SERPINI1: variants seen among roughly 807,000 people sequenced by gnomAD.
SERPINI1 encodes neuroserpin.
Under a neutral mutation model 41.1 loss-of-function variants are expected in SERPINI1, and 19 were observed. The ratio of observed to expected loss-of-function variants is 0.46; its 90% confidence interval spans 0.32 to 0.68. The LOEUF (loss-of-function observed/expected upper bound fraction) is 0.68, where lower values mean the gene tolerates loss of function less well. Among genes scored for constraint, SERPINI1 ranks in the 30% least tolerant of loss-of-function variants. The probability of loss-of-function intolerance (pLI) is 0.03; values close to 1 mark genes in which losing one functional copy is unlikely to be tolerated. For synonymous variants in SERPINI1, 138 were observed against 156.6 expected (o/e 0.88, Z 0.89); for missense variants, 460 against 479.2 (o/e 0.96, Z 0.37).
intron 6 of SERPINI1, among the ~76,000 whole-genome samples, chr3:167,811,477 A>T (rs1368789030): frequency 7.5e-6 from 1 of 133,978 alleles, no homozygotes; most frequent in Non-Finnish European, 1.7e-5. Context: ...AAAGAAAAAG[A>T]AGAGAAATGA....
chr3:167,806,093 C>T (rs1396757832), intron 5 of SERPINI1, among the ~76,000 whole-genome samples: 1 of 151,988 alleles, frequency 6.6e-6, no homozygotes, highest in Non-Finnish European at 1.5e-5. Context: ...CAATGATAGA[C>T]TGGATAAAGA....
chr3:167,809,321 T>C (rs1016575142), intron 6 of SERPINI1, among the ~76,000 whole-genome samples: 2 of 152,224 alleles, frequency 1.3e-5, no homozygotes, highest in African/African-American at 2.4e-5. Flanking sequence ...GATAATTACA[T>C]TGTACTTTCT....
chr3:167,784,287 C>T (rs1290738369), intron 1 of SERPINI1, among the ~76,000 whole-genome samples: 1 of 152,128 alleles, frequency 6.6e-6, no homozygotes, highest in Admixed American at 6.5e-5. Flanking sequence ...TTAAAAAGAT[C>T]TATTTTCTTA....
chr3:167,786,456 C>T (rs1333478152), intron 1 of SERPINI1, among the ~76,000 whole-genome samples: 12 of 143,354 alleles, frequency 8.4e-5, no homozygotes, highest in African/African-American at 2.4e-4. Context: ...TGCAGTGAGC[C>T]GAGATCGCAC....
chr3:167,774,109 AT>A (rs1349108559), intron 1 of SERPINI1, among the ~76,000 whole-genome samples: 1 of 152,232 alleles, frequency 6.6e-6, no homozygotes, highest in Non-Finnish European at 1.5e-5. Context: ...ATTAGTATAC[AT>A]TTTTAAAAAC....
chr3:167,744,866 T>C (rs1435171027), intron 1 of SERPINI1, among the ~76,000 whole-genome samples: 1 of 133,308 alleles, frequency 7.5e-6, no homozygotes, highest in South Asian at 2.2e-4. Context: ...TATATATATA[T>C]AAATATATAT....
At chr3:167,774,362 C>G (rs1033572586) in intron 1 of SERPINI1, among the ~76,000 whole-genome samples, 1 of 152,132 alleles carries the variant, frequency 6.6e-6, no homozygotes, top group African/African-American at 2.4e-5. Context: ...AAAGGGCCCT[C>G]AGATCTTGAG....
intron 5 of SERPINI1, among the ~76,000 whole-genome samples, chr3:167,796,768 A>G (rs975243147): frequency 1.3e-5 from 2 of 151,992 alleles, no homozygotes; most frequent in Admixed American, 1.3e-4. Flanking sequence ...CTTGATGGGC[A>G]TGGCATTTTG....
At chr3:167,804,935 A>G (rs995533726) in intron 5 of SERPINI1, among the ~76,000 whole-genome samples, 1 of 152,216 alleles carries the variant, frequency 6.6e-6, no homozygotes, top group Non-Finnish European at 1.5e-5. Flanking sequence ...TTTGGGGAAG[A>G]GTCCATATTA....
intron 1 of SERPINI1, among the ~76,000 whole-genome samples, chr3:167,753,530 G>C (rs946253306): frequency 6.6e-6 from 1 of 152,150 alleles, no homozygotes; most frequent in Non-Finnish European, 1.5e-5. Flanking sequence ...TTTTTTACAA[G>C]AGTGATTCTC....
Position 167,743,477 on chromosome 3 carries a change from C to A in SERPINI1, c.-19+7654C>A, listed in dbSNP as rs533898214. Among the ~76,000 whole-genome samples the A allele has an allele frequency of 5.9e-5, 9 of 152,222 alleles. No individual in the cohort carries two copies. In the East Asian group the frequency reaches 1.5e-3, roughly 26 times the overall value. On this transcript the variant is annotated intron_variant, in intron 1 of 8. Transcript: ENST00000446050. ...TATAAAACTCTCATAATCAAAGATA[C>A]TGACTTGGCAAAATTGTAGTTGTCT...
At chr3:167,776,463 A>C (rs1364821224) in intron 1 of SERPINI1, among the ~76,000 whole-genome samples, 1 of 152,236 alleles carries the variant, frequency 6.6e-6, no homozygotes, top group African/African-American at 2.4e-5. Flanking sequence ...TCGAATTCCA[A>C]ATGGAGCCTC....
chr3:167,770,738 T>C (rs1048751695), intron 1 of SERPINI1, among the ~76,000 whole-genome samples: 1 of 152,218 alleles, frequency 6.6e-6, no homozygotes, highest in African/African-American at 2.4e-5. Flanking sequence ...TTTTACAATT[T>C]GTTTCAACAG....
chr3:167,758,477 TAGAA>T (rs558861061), intron 1 of SERPINI1, among the ~76,000 whole-genome samples: 441 of 152,330 alleles, frequency 2.9e-3, no homozygotes, highest in African/African-American at 0.01. Context: ...TTGATGAATG[TAGAA>T]AGAATGATGG....
At chr3:167,756,673 T>C (rs1007011934) in intron 1 of SERPINI1, among the ~76,000 whole-genome samples, 5 of 152,192 alleles carry the variant, frequency 3.3e-5, no homozygotes, top group African/African-American at 1.2e-4. Context: ...AAAAGATAAG[T>C]CATCTTTTTT....
At chr3:167,789,517 A>T (rs1727427695) in intron 2 of SERPINI1, 139 bp downstream of exon 2, 1 of 950,564 alleles carries the variant, frequency 1.1e-6, no homozygotes, top group Non-Finnish European at 1.6e-6. Context: ...TAGAAGGATT[A>T]GGAAACCCAA....
chr3:167,786,380 C>T (rs926032829), intron 1 of SERPINI1, among the ~76,000 whole-genome samples: 96 of 151,652 alleles, frequency 6.3e-4, no homozygotes, highest in African/African-American at 1.6e-3. Context: ...TTGTGGCAGG[C>T]GCCTGTAGTC....
chr3:167,814,860 G>C (rs1712018327), intron 6 of SERPINI1, among the ~76,000 whole-genome samples: 1 of 152,152 alleles, frequency 6.6e-6, no homozygotes, highest in Admixed American at 6.5e-5. Context: ...ATGCTGCCTG[G>C]AGGAAAGTAG....
rs1413571760 is a variant in SERPINI1, at chr3:167,824,446, T to G, written c.1067-27T>G. 4.5e-6 allele frequency: 7 copies of G among 1,554,586 alleles called. No homozygotes were observed. In the African/African-American group the frequency reaches 9.5e-5, roughly 21 times the overall value. ...ATTAGTCTCTGCACATCCACAGACA[T>G]ATAATTACTTTTTATCTGCACTGTA... On this transcript the variant is annotated intron_variant, in intron 7 of 8. Transcript: ENST00000446050.
Sources: gnomAD v4.1 joint callset for allele counts (sites outside exome capture counted in the v4.1 genomes callset) on GRCh38, gnomAD v4.1.1 for gene constraint, MANE v1.5 for transcripts, NCBI Gene and HGNC (gene_info 2026-07-23, HGNC 2026-07-21) for gene names.